Variants in MFN2 observed in about 807,000 individuals in gnomAD.
MFN2 encodes mitofusin 2.
A neutral mutation model predicts 87.5 loss-of-function variants in MFN2; 43 were observed. The observed-to-expected ratio is 0.49, with a 90% CI of 0.38 to 0.63. MFN2 has a LOEUF of 0.63. Ranked by LOEUF, MFN2 falls within the 30% of genes least tolerant of loss-of-function variation. The pLI is 0.00. For synonymous variants in MFN2, 337 were observed against 359.9 expected (o/e 0.94, Z 0.72); for missense variants, 743 against 972.8 (o/e 0.76, Z 3.14).
chr1:12,006,083 C>A (rs1346962622), intron 15 of MFN2, 152 bp downstream of exon 15: 10 of 706,388 alleles, frequency 1.4e-5, no homozygotes, highest in Admixed American at 9.9e-5. Flanking sequence ...AGAATTTTTG[C>A]TACTGATTGA....
Position 11,997,994 on chromosome 1 carries a change from C to A in MFN2, c.599+573C>A, listed in dbSNP as rs183729555. Reference sequence around the variant, plus strand: ...CGCCTCCCGGGTTCAAGTGATTCTCCTGCCTCAGCCTCTGGAGTAGCTGGG... The same window carrying A: ...CGCCTCCCGGGTTCAAGTGATTCTCATGCCTCAGCCTCTGGAGTAGCTGGG... On this transcript the variant is annotated intron_variant, in intron 6 of 18. Coordinates refer to ENST00000235329, the MANE Select transcript of MFN2 (RefSeq NM_014874.4). Among the ~76,000 whole-genome samples, 302 of 148,150 alleles carry A rather than the reference C, an allele frequency of 2.0e-3. 2 individuals are homozygous for A. Among genetic ancestry groups the A allele is most frequent in the Non-Finnish European group, 3.7e-3 (252 of 67,454 alleles).
intron 7 of MFN2, 32 bp downstream of exon 7, chr1:11,998,910 C>G: frequency 6.2e-7 from 1 of 1,613,294 alleles, no homozygotes; most frequent in South Asian, 1.1e-5. Flanking sequence ...CCCAAGCTCC[C>G]AGCACCCCCT....
intron 2 of MFN2, among the ~76,000 whole-genome samples, chr1:11,983,395 A>C (rs1406437868): frequency 6.6e-6 from 1 of 152,178 alleles, no homozygotes; most frequent in Non-Finnish European, 1.5e-5. Flanking sequence ...TTACAAACTG[A>C]TTCTACTATT....
intron 2 of MFN2, among the ~76,000 whole-genome samples, chr1:11,985,836 C>G (rs1638378348): frequency 6.6e-6 from 1 of 152,174 alleles, no homozygotes; most frequent in Non-Finnish European, 1.5e-5. Context: ...CTTTCTCGAA[C>G]AGTCTGATCT....
intron 5 of MFN2, 101 bp from the exon 6 acceptor site, chr1:11,997,196 G>A: frequency 6.4e-7 from 1 of 1,553,226 alleles, no homozygotes; most frequent in South Asian, 1.1e-5. Flanking sequence ...GGTAGCAGAT[G>A]GGCAGCATTC....
chr1:11,995,194 G>A (rs768302490), intron 4 of MFN2, among the ~76,000 whole-genome samples: 1 of 151,762 alleles, frequency 6.6e-6, no homozygotes, highest in African/African-American at 2.4e-5. Flanking sequence ...CCTGATGGTC[G>A]AGGCTGCAGT....
chr1:11,999,890 C>T (rs1229860723), intron 8 of MFN2, among the ~76,000 whole-genome samples: 1 of 151,738 alleles, frequency 6.6e-6, no homozygotes, highest in African/African-American at 2.4e-5. Flanking sequence ...GTCAGGAGAT[C>T]GAGACCATCC....
At chr1:12,011,455 T>C (rs375587332) in intron 18 of MFN2, 41 bp from the exon 19 acceptor site, 161 of 1,609,756 alleles carry the variant, frequency 1.0e-4, no homozygotes, top group Non-Finnish European at 1.3e-4. Context: ...ATACTGCCTA[T>C]CATCAGCTAT....
intron 2 of MFN2, among the ~76,000 whole-genome samples, chr1:11,988,836 G>A (rs767027360): frequency 1.1e-4 from 16 of 152,096 alleles, no homozygotes; most frequent in Non-Finnish European, 1.8e-4. Context: ...AAGTAGCTGG[G>A]ATTACAGGTG....
chr1:11,997,712 T>A (rs1638972608), intron 6 of MFN2, among the ~76,000 whole-genome samples: 1 of 152,064 alleles, frequency 6.6e-6, no homozygotes, highest in South Asian at 2.1e-4. Context: ...CCAGCATGTG[T>A]ACTGGGGGTG....
chr1:11,997,388 C>A lies in MFN2; in HGVS notation c.566C>A (p.Pro189Gln). Residue 189 changes from proline to glutamine, a missense_variant, in exon 6 of 19, where the codon CCA (proline) becomes CAA (glutamine). Coordinates refer to ENST00000235329, the MANE Select transcript of MFN2 (RefSeq NM_014874.4). ...VSVMWPNSKCPLLKDDLVLMD... is the reference protein window; with the variant it reads ...VSVMWPNSKCQLLKDDLVLMD... ...GTGATGTGGCCCAACTCTAAGTGCC[C>A]ACTTCTGAAGGATGACCTCGTTTTG... 1 of 1,614,202 alleles carries A rather than the reference C, an allele frequency of 6.2e-7. No homozygotes were observed. The highest frequency in any genetic ancestry group is 8.5e-7 in the Non-Finnish European group (1 of 1,180,014).
Position 12,004,884 on chromosome 1 carries a change from G to A in MFN2, c.1452G>A (p.Thr484=), listed in dbSNP as rs150043585. 1,792 of 1,613,470 alleles carry A rather than the reference G, an allele frequency of 1.1e-3. 4 individuals carry two copies. Among genetic ancestry groups the A allele is most frequent in the Middle Eastern group, 5.3e-3 (32 of 6,062 alleles). Residue 484 remains threonine, a synonymous_variant, in exon 14 of 19, where the codon ACG becomes ACA. Transcript: ENST00000235329. This position sits in a 1 kb window ranked among gnomAD's most constrained non-coding sequence, Gnocchi z 4.2. ...GAAACATGTCTGACCGCTGCTCCAC[G>A]GCCATCACCAACTCCCTGCAGACCA... The part of the protein sequence containing the change: ...LGRNMSDRCS[T]AITNSLQTMQ...
Position 12,009,744 on chromosome 1 carries a change from G to A in MFN2, c.2204+18G>A, listed in dbSNP as rs1468222350. Reference sequence around the variant, plus strand: ...CTGCTCAGGTGAGGCTGGCCCGTGTGGCCAAAGGTTAGGGCTCCAGGGTGC... The same window carrying A: ...CTGCTCAGGTGAGGCTGGCCCGTGTAGCCAAAGGTTAGGGCTCCAGGGTGC... On this transcript the variant is annotated intron_variant, in intron 18 of 18. Transcript: ENST00000235329. 6.2e-7 allele frequency: 1 copy of A among 1,614,134 alleles called. No individual in the cohort carries two copies. The highest frequency in any genetic ancestry group is 8.5e-7 in the Non-Finnish European group (1 of 1,180,012).
At position 12,012,107 on chromosome 1, in the gene MFN2, G is replaced by C. The variant is rs913925666; in HGVS notation, c.*542G>C. 5.9e-6 allele frequency: 1 copy of C among 168,972 alleles called. No individual in the cohort carries two copies. The highest frequency in any genetic ancestry group is 2.4e-5 in the African/African-American group (1 of 42,074). The allele number at this position is 168,972 out of a possible 1,614,324, so 10.5% of individuals were successfully genotyped here. On this transcript the variant is annotated 3_prime_UTR_variant, in exon 19 of 19. Transcript: ENST00000235329. Reference sequence around the variant, plus strand: ...GCTTCATCCCATTTGCAGAGCCTCAGACACGTCTTGGTGGTGAGGCTCAGT... The same window carrying C: ...GCTTCATCCCATTTGCAGAGCCTCACACACGTCTTGGTGGTGAGGCTCAGT...
intron 8 of MFN2, 43 bp from the exon 9 acceptor site, chr1:12,001,358 G>A (rs1471036987): frequency 2.5e-6 from 4 of 1,610,042 alleles, no homozygotes; most frequent in African/African-American, 1.3e-5. Context: ...GGGGGCTGTG[G>A]GGCCACCTAC....
chr1:12,007,775 T>C (rs115123882), intron 17 of MFN2, among the ~76,000 whole-genome samples: 3,433 of 149,874 alleles, frequency 0.023, 136 homozygotes, highest in African/African-American at 0.079. Flanking sequence ...TCTTTCTTTC[T>C]TTTTTTTTTA....
At chr1:11,981,519 A>C (rs764227255) in intron 1 of MFN2, among the ~76,000 whole-genome samples, 34 of 152,356 alleles carry the variant, frequency 2.2e-4, no homozygotes, top group Non-Finnish European at 4.3e-4. Flanking sequence ...GCTTAGACAA[A>C]TCTTCAAGTA....
At chr1:11,991,409 G>T (rs974864627) in intron 3 of MFN2, among the ~76,000 whole-genome samples, 2 of 152,196 alleles carry the variant, frequency 1.3e-5, no homozygotes, top group Non-Finnish European at 2.9e-5. Flanking sequence ...GCTTCCTGGG[G>T]GCAGTGCTGT....
At position 12,011,720 on chromosome 1, in the gene MFN2, T is replaced by A; in HGVS notation, c.*155T>A. The A allele has an allele frequency of 1.3e-6, 1 of 747,682 alleles. No individual in the cohort carries two copies. Among genetic ancestry groups the A allele is most frequent in the Non-Finnish European group, 2.2e-6 (1 of 447,516 alleles). The allele number at this position is 747,682 out of a possible 1,614,324, so 46.3% of individuals were successfully genotyped here. ...CGTACCATTTTGAGCCCTCCAGCAC[T>A]ACTTATTTTCCCCCACCTTTGCCTG... is the stretch of plus-strand genomic sequence containing the variant. On this transcript the variant is annotated 3_prime_UTR_variant, in exon 19 of 19. Transcript: ENST00000235329.
Sources: gnomAD v4.1 joint callset for allele counts (sites outside exome capture counted in the v4.1 genomes callset) on GRCh38, gnomAD v4.1.1 for gene constraint, Gnocchi (gnomAD v3.1) non-coding constraint, MANE v1.5 for transcripts, NCBI Gene and HGNC (gene_info 2026-07-23, HGNC 2026-07-21) for gene names.